The following TRIM44 variants were observed in gnomAD, a reference collection of about 807,000 sequenced individuals.
TRIM44 encodes tripartite motif-containing protein 44.
In TRIM44, 13 loss-of-function variants were observed where a neutral mutation model predicts 37.4. The observed-to-expected ratio is 0.35, with a 90% CI of 0.23 to 0.55. The LOEUF is 0.55. Ranked by LOEUF, TRIM44 falls within the 20% of genes least tolerant of loss-of-function variation. The pLI is 0.89. For missense variants in TRIM44, 426 were observed against 437.2 expected, an observed-to-expected ratio of 0.97 and a Z score of 0.23; for synonymous variants, 175 against 157.2, an observed-to-expected ratio of 1.11 and a Z score of -0.85.
At chr11:35,700,974 C>T (rs565667887) in intron 2 of TRIM44, among the ~76,000 whole-genome samples, 1 of 152,224 alleles carries the variant, frequency 6.6e-6, no homozygotes, top group East Asian at 1.9e-4. Flanking sequence ...TATAACTACA[C>T]AGAAGATTCA....
intron 4 of TRIM44, among the ~76,000 whole-genome samples, chr11:35,793,749 T>C (rs1565032940): frequency 6.6e-6 from 1 of 152,132 alleles, no homozygotes; most frequent in Non-Finnish European, 1.5e-5. Flanking sequence ...TGTGCTCCCT[T>C]CACTCCTCAT....
intron 2 of TRIM44, among the ~76,000 whole-genome samples, chr11:35,717,618 T>G (rs1852053725): frequency 6.6e-6 from 1 of 152,168 alleles, no homozygotes; most frequent in African/African-American, 2.4e-5. Flanking sequence ...GTAATTCCCC[T>G]TTCTTGATAA....
At chr11:35,757,874 T>G (rs1852666305) in intron 4 of TRIM44, among the ~76,000 whole-genome samples, 1 of 152,228 alleles carries the variant, frequency 6.6e-6, no homozygotes, top group African/African-American at 2.4e-5. Flanking sequence ...CAATTTGTTA[T>G]AATTTCTGTT....
intron 1 of TRIM44, 32 bp downstream of exon 1, chr11:35,663,812 G>C: frequency 2.5e-6 from 4 of 1,588,832 alleles, no homozygotes; most frequent in Non-Finnish European, 3.4e-6. Flanking sequence ...CATAAACCTA[G>C]GGGTCAGGAC....
At chr11:35,711,925 A>G (rs1057387924) in intron 2 of TRIM44, among the ~76,000 whole-genome samples, 1 of 152,226 alleles carries the variant, frequency 6.6e-6, no homozygotes, top group Non-Finnish European at 1.5e-5. Context: ...CCACCTGTTT[A>G]TAAATAATTC....
At position 35,663,415 on chromosome 11, in the gene TRIM44, G is replaced by C. The variant is rs761457014; in HGVS notation, c.304G>C (p.Glu102Gln). Reference sequence around the variant, plus strand: ...CGAGGCAGGGGAAGAGAGTGAGTCGGAGGAAGAGAGCGAGTCAGAGGAAGA... The same window carrying C: ...CGAGGCAGGGGAAGAGAGTGAGTCGCAGGAAGAGAGCGAGTCAGAGGAAGA... ...ESEAGEESES[E>Q]EESESEEESE... Residue 102 changes from glutamate (E) to glutamine (Q), a missense_variant, in exon 1 of 5, where the codon GAG becomes CAG. By Grantham distance (29) the Glu-to-Gln change is conservative. Coordinates refer to ENST00000299413, the MANE Select transcript of TRIM44 (RefSeq NM_017583.6). 6.3e-7 allele frequency: 1 copy of C among 1,577,132 alleles called. No individual in the cohort carries two copies. Among genetic ancestry groups the C allele is most frequent in the Non-Finnish European group, 8.6e-7 (1 of 1,158,680 alleles).
chr11:35,788,528 T>G (rs1853158403), intron 4 of TRIM44, among the ~76,000 whole-genome samples: 1 of 152,186 alleles, frequency 6.6e-6, no homozygotes, highest in Non-Finnish European at 1.5e-5. Flanking sequence ...ATTTTTATAT[T>G]CCTGTGTTGG....
At position 35,810,515 on chromosome 11, in the gene TRIM44, A is replaced by G. The variant is rs890208136; in HGVS notation, c.*4130A>G. Reference sequence around the variant, plus strand: ...GAAGCCCCCTACCCTGTCCCATTCCAGAAACCATAAGACTCAGGCAGTTCT... The same window carrying G: ...GAAGCCCCCTACCCTGTCCCATTCCGGAAACCATAAGACTCAGGCAGTTCT... On this transcript the variant is annotated 3_prime_UTR_variant, in exon 5 of 5. Coordinates refer to ENST00000299413, the MANE Select transcript of TRIM44 (RefSeq NM_017583.6). 2.6e-5 allele frequency: 4 copies of G among 152,204 alleles called. No homozygotes were observed. The highest frequency in any genetic ancestry group is 2.6e-4 in the Admixed American group (4 of 15,278). The allele number at this position is 152,204 out of a possible 1,614,324, so 9.4% of individuals were successfully genotyped here. A position where few individuals can be genotyped will look rare whatever the true frequency, so the allele number is the denominator to read the frequency against.
intron 4 of TRIM44, among the ~76,000 whole-genome samples, chr11:35,789,803 A>C (rs889821452): frequency 6.6e-6 from 1 of 152,176 alleles, no homozygotes; most frequent in African/African-American, 2.4e-5. Context: ...AATTGGGCCA[A>C]TGGTGAGCAA....
intron 4 of TRIM44, among the ~76,000 whole-genome samples, chr11:35,787,742 T>C (rs1273396913): frequency 6.6e-6 from 1 of 152,144 alleles, no homozygotes; most frequent in Non-Finnish European, 1.5e-5. Flanking sequence ...CCTGTGGTAG[T>C]GAGTGTCAAT....
At chr11:35,740,498 C>G (rs1852383113) in intron 4 of TRIM44, among the ~76,000 whole-genome samples, 1 of 152,106 alleles carries the variant, frequency 6.6e-6, no homozygotes, top group Non-Finnish European at 1.5e-5. Flanking sequence ...TAACACCACA[C>G]TTGGAACTTC....
chr11:35,736,599 G>A (rs745594166), intron 4 of TRIM44, among the ~76,000 whole-genome samples: 2 of 152,008 alleles, frequency 1.3e-5, no homozygotes, highest in African/African-American at 4.8e-5. Context: ...AGCGCCAAAT[G>A]TTGTCCCACA....
chr11:35,745,571 A>G (rs1464673989), intron 4 of TRIM44, among the ~76,000 whole-genome samples: 2 of 152,230 alleles, frequency 1.3e-5, no homozygotes, highest in Non-Finnish European at 2.9e-5. Flanking sequence ...AACCAATTTT[A>G]CCATAGACCA....
At chr11:35,725,281 G>A (rs1564979542) in intron 2 of TRIM44, among the ~76,000 whole-genome samples, 1 of 152,014 alleles carries the variant, frequency 6.6e-6, no homozygotes, top group Non-Finnish European at 1.5e-5. Flanking sequence ...AAAAATGGCT[G>A]GGAGGATACA....
At chr11:35,702,503 G>A (rs1358653698) in intron 2 of TRIM44, among the ~76,000 whole-genome samples, 6 of 152,272 alleles carry the variant, frequency 3.9e-5, no homozygotes, top group Middle Eastern at 3.4e-3. Context: ...AAAGGAGAAC[G>A]CATCTTTATT....
intron 4 of TRIM44, among the ~76,000 whole-genome samples, chr11:35,760,251 T>TAGGAC (rs1852704629): frequency 9.2e-5 from 14 of 152,178 alleles, no homozygotes; most frequent in Admixed American, 4.6e-4. Flanking sequence ...ACTGCTGTGC[T>TAGGAC]AGCAATCAGC....
chr11:35,740,023 A>C (rs904283346), intron 4 of TRIM44, among the ~76,000 whole-genome samples: 1 of 147,800 alleles, frequency 6.8e-6, no homozygotes, highest in Admixed American at 6.8e-5. Flanking sequence ...CACTTGAGCC[A>C]GGGAGTCAGA....
chr11:35,683,178 G>C (rs185386650), intron 1 of TRIM44, among the ~76,000 whole-genome samples: 1 of 152,138 alleles, frequency 6.6e-6, no homozygotes, highest in Admixed American at 6.6e-5. Context: ...TGACCTCTAA[G>C]TTCCTTTTGT....
chr11:35,766,940 G>A (rs1852805810), intron 4 of TRIM44, among the ~76,000 whole-genome samples: 1 of 152,192 alleles, frequency 6.6e-6, no homozygotes, highest in Admixed American at 6.5e-5. Context: ...GGAAACAAAG[G>A]TTGATTTTTG....
Sources: gnomAD v4.1 joint callset for allele counts (sites outside exome capture counted in the v4.1 genomes callset) on GRCh38, gnomAD v4.1.1 for gene constraint, MANE v1.5 for transcripts, NCBI Gene and HGNC (gene_info 2026-07-23, HGNC 2026-07-21) for gene names.